The following NDUFA5 variants were observed in gnomAD, a reference collection of about 807,000 sequenced individuals.
The protein encoded by NDUFA5 is NADH:ubiquinone oxidoreductase subunit A5.
NDUFA5 carries 11 observed loss-of-function variants against 19.8 expected under a neutral mutation model. The observed-to-expected ratio is 0.56, with a 90% confidence interval of 0.35 to 0.92. NDUFA5 has a LOEUF of 0.92. Ranked by LOEUF, NDUFA5 falls within the 40% of genes least tolerant of loss-of-function variation. The pLI is 0.01. For synonymous variants in NDUFA5, 47 were observed against 46.8 expected, an observed-to-expected ratio of 1.00 and a Z score of -0.01; for missense variants, 109 against 134.2, an observed-to-expected ratio of 0.81 and a Z score of 0.93.
chr7:123,597,917 C>CGTGTGTGTGTGTGTGTGT, the NDUFA5 span, among the ~76,000 whole-genome samples: 2 of 132,974 alleles, frequency 1.5e-5, no homozygotes, highest in African/African-American at 5.8e-5. Context: ...TTTCAAACTT[C>CGTGTGTGTGTGTGTGTGT]GTGTGTGTGT....
the NDUFA5 span, among the ~76,000 whole-genome samples, chr7:123,572,131 C>CTT: frequency 2.2e-3 from 105 of 48,006 alleles, 8 homozygotes; most frequent in African/African-American, 3.4e-3. Flanking sequence ...TGTAGAATTT[C>CTT]TTTTTTTTTT....
chr7:123,551,328 C>T (rs1798330599), intron 2 of NDUFA5: 1 of 152,694 alleles, frequency 6.5e-6, no homozygotes, highest in African/African-American at 2.4e-5. Flanking sequence ...CCTGCCTCAG[C>T]CTCCCAAGTA....
At chr7:123,578,695 T>C in the NDUFA5 span, among the ~76,000 whole-genome samples, 1 of 152,094 alleles carries the variant, frequency 6.6e-6, no homozygotes, top group South Asian at 2.1e-4. Flanking sequence ...GCTTAGTCTT[T>C]TCTTTCTCAG....
At chr7:123,554,408 C>G (rs142622590) in intron 2 of NDUFA5, among the ~76,000 whole-genome samples, 1 of 152,038 alleles carries the variant, frequency 6.6e-6, no homozygotes, top group South Asian at 2.1e-4. Context: ...TTTACCCATC[C>G]GTGGTTTCAT....
chr7:123,547,631 T>C (rs1236748131), intron 3 of NDUFA5, among the ~76,000 whole-genome samples: 1 of 152,092 alleles, frequency 6.6e-6, no homozygotes, highest in Non-Finnish European at 1.5e-5. Flanking sequence ...AATTAACTCA[T>C]ATGAGAGACC....
the NDUFA5 span, among the ~76,000 whole-genome samples, chr7:123,588,490 C>A: frequency 6.6e-6 from 1 of 151,256 alleles, no homozygotes; most frequent in African/African-American, 2.4e-5. Flanking sequence ...TTTGTCTTAT[C>A]TCTATTTCAT....
chr7:123,540,497 A>T lies in NDUFA5; in HGVS notation c.*1622T>A, dbSNP rs1797890016. On this transcript the variant is annotated 3_prime_UTR_variant, in exon 5 of 5. Transcript: ENST00000355749. ...AATGGTTGGCTAGAAAATTACCTTGAAAGTACCCATGCAAACACACTTCAG... is the reference window on the plus strand; with the variant it reads ...AATGGTTGGCTAGAAAATTACCTTGTAAGTACCCATGCAAACACACTTCAG... The T allele has an allele frequency of 6.6e-6, 1 of 152,214 alleles. No individual in the cohort carries two copies. The highest frequency in any genetic ancestry group is 2.4e-5 in the African/African-American group (1 of 41,444). 9.4% of individuals were successfully genotyped at this position (152,214 alleles called of 1,614,324 possible).
chr7:123,579,776 A>T, the NDUFA5 span, among the ~76,000 whole-genome samples: 1 of 152,098 alleles, frequency 6.6e-6, no homozygotes, highest in Non-Finnish European at 1.5e-5. Context: ...GATTTGGCTT[A>T]AGACTCCCAG....
the NDUFA5 span, among the ~76,000 whole-genome samples, chr7:123,593,026 G>A: frequency 2.0e-5 from 3 of 151,698 alleles, no homozygotes; most frequent in East Asian, 3.9e-4. Flanking sequence ...ATTATGTAAT[G>A]GTTTTCTTTG....
At chr7:123,598,475 T>A in the NDUFA5 span, among the ~76,000 whole-genome samples, 1 of 152,002 alleles carries the variant, frequency 6.6e-6, no homozygotes, top group Non-Finnish European at 1.5e-5. Context: ...TTCACAATAG[T>A]GAAAATTAAG....
chr7:123,541,442 A>G lies in NDUFA5; in HGVS notation c.*677T>C, dbSNP rs1478620409. The G allele has an allele frequency of 2.6e-5, 4 of 152,226 alleles. No individual in the cohort carries two copies. The highest frequency in any genetic ancestry group is 5.9e-5 in the Non-Finnish European group (4 of 68,032). The allele number at this position is 152,226 out of a possible 1,614,324, so 9.4% of individuals were successfully genotyped here. Reference sequence around the variant, plus strand: ...TTTCTTTAACTGTACAATGTATTCTAATTTGAAGGTTTTCAAATATAATAC... The same window carrying G: ...TTTCTTTAACTGTACAATGTATTCTGATTTGAAGGTTTTCAAATATAATAC... On this transcript the variant is annotated 3_prime_UTR_variant, in exon 5 of 5. Transcript: ENST00000355749.
At chr7:123,593,928 G>C in the NDUFA5 span, among the ~76,000 whole-genome samples, 5 of 152,252 alleles carry the variant, frequency 3.3e-5, 1 homozygote, top group South Asian at 1.0e-3. Flanking sequence ...ATCAAACATA[G>C]ATTTGGTCTT....
rs924540159 is a variant in NDUFA5, at chr7:123,537,888, A to C, written c.*4231T>G. On this transcript the variant is annotated 3_prime_UTR_variant, in exon 5 of 5. Transcript: ENST00000355749. ...AGATTCACCTAAAAAAAAATTGAAG[A>C]TCATGAGAAATACCAAAATAGAAAT... The C allele has an allele frequency of 2.6e-5, 4 of 152,166 alleles. No individual in the cohort carries two copies. The highest frequency in any genetic ancestry group is 5.9e-5 in the Non-Finnish European group (4 of 68,030). The allele number at this position is 152,166 out of a possible 1,614,324, so 9.4% of individuals were successfully genotyped here.
upstream of NDUFA5, chr7:123,558,017 G>C: frequency 2.9e-6 from 2 of 687,922 alleles, no homozygotes; most frequent in East Asian, 2.8e-5. Flanking sequence ...AAGACGATTG[G>C]GGAAAGAAAG....
chr7:123,548,056 C>T (rs144518480), intron 3 of NDUFA5, among the ~76,000 whole-genome samples: 114 of 152,044 alleles, frequency 7.5e-4, no homozygotes, highest in Middle Eastern at 3.4e-3. Flanking sequence ...GGGACACAAA[C>T]AACGCTTTTC....
At chr7:123,580,280 T>C in the NDUFA5 span, among the ~76,000 whole-genome samples, 1 of 152,094 alleles carries the variant, frequency 6.6e-6, no homozygotes, top group Non-Finnish European at 1.5e-5. Flanking sequence ...CTCAGGTGCA[T>C]GGCAGGCCGT....
At chr7:123,570,849 A>G in the NDUFA5 span, among the ~76,000 whole-genome samples, 2 of 152,162 alleles carry the variant, frequency 1.3e-5, no homozygotes, top group African/African-American at 4.8e-5. Flanking sequence ...ACCTGTCCAT[A>G]TGGATTTCTC....
chr7:123,569,159 C>G, the NDUFA5 span, among the ~76,000 whole-genome samples: 1 of 152,044 alleles, frequency 6.6e-6, no homozygotes, highest in South Asian at 2.1e-4. Flanking sequence ...CTAGACTGGC[C>G]GTTCTCAACC....
the NDUFA5 span, chr7:123,599,026 G>A: frequency 6.6e-6 from 1 of 152,116 alleles, no homozygotes; most frequent in Non-Finnish European, 1.5e-5. Context: ...TTTATTTTAT[G>A]TTTTTATATT....
Sources: allele counts gnomAD v4.1 joint callset (sites outside exome capture counted in the v4.1 genomes callset), GRCh38; gene constraint gnomAD v4.1.1; transcripts MANE v1.5; gene names NCBI Gene and HGNC (gene_info 2026-07-23, HGNC 2026-07-21).